Variants in PADI2 observed in about 807,000 individuals in gnomAD.
PADI2 encodes peptidyl arginine deiminase 2.
In PADI2, 70 loss-of-function variants were observed where a neutral mutation model predicts 81.1. The observed-to-expected ratio is 0.86, with a 90% confidence interval of 0.71 to 1.05. The LOEUF (loss-of-function observed/expected upper bound fraction) is 1.05, where lower values mean the gene tolerates loss of function less well. PADI2 is among the 50% of genes least tolerant of loss of function. The pLI is 0.00. For missense variants in PADI2, 853 were observed against 889.9 expected (o/e 0.96, Z 0.53); for synonymous variants, 338 against 358.0 (o/e 0.94, Z 0.63).
chr1:17,105,509 C>T (rs951519971), intron 1 of PADI2, among the ~76,000 whole-genome samples: 2 of 152,096 alleles, frequency 1.3e-5, no homozygotes, highest in Admixed American at 6.5e-5. Context: ...GATTCTCCTG[C>T]CTCAGCCTTC....
intron 11 of PADI2, among the ~76,000 whole-genome samples, chr1:17,076,873 G>A (rs1024631836): frequency 2.0e-5 from 3 of 151,568 alleles, no homozygotes; most frequent in African/African-American, 7.3e-5. Flanking sequence ...CACCGCTCCC[G>A]GCCAGCCCTT....
At chr1:17,112,851 G>A (rs769592163) in intron 1 of PADI2, among the ~76,000 whole-genome samples, 2 of 152,204 alleles carry the variant, frequency 1.3e-5, no homozygotes, top group African/African-American at 2.4e-5. Context: ...AAAGTCCAAT[G>A]TCTGAACGAT....
intron 6 of PADI2, among the ~76,000 whole-genome samples, chr1:17,090,581 T>TTA (rs1553182497): frequency 2.1e-5 from 3 of 142,740 alleles, no homozygotes; most frequent in African/African-American, 7.8e-5. Context: ...CGTCCTTTGC[T>TTA]TGTGTGTGTG....
intron 3 of PADI2, among the ~76,000 whole-genome samples, chr1:17,102,205 T>C (rs1468770177): frequency 6.6e-6 from 1 of 152,256 alleles, no homozygotes; most frequent in East Asian, 1.9e-4. Flanking sequence ...AAATGTCCTC[T>C]TGGCTTTAAC....
intron 1 of PADI2, among the ~76,000 whole-genome samples, chr1:17,118,816 G>C (rs1210521990): frequency 6.6e-6 from 1 of 152,160 alleles, no homozygotes; most frequent in African/African-American, 2.4e-5. Context: ...AGCTCCCTTC[G>C]GGTCCTGCCC....
At chr1:17,106,956 C>G (rs1050274916) in intron 1 of PADI2, among the ~76,000 whole-genome samples, 13 of 152,098 alleles carry the variant, frequency 8.5e-5, no homozygotes, top group South Asian at 2.1e-4. Flanking sequence ...GGACTTCCAG[C>G]CTCCAGAATT....
chr1:17,075,536 A>ACAACATG (rs1212787101), intron 12 of PADI2, 143 bp downstream of exon 12: 2 of 725,288 alleles, frequency 2.8e-6, no homozygotes, highest in Non-Finnish European at 4.3e-6. Flanking sequence ...TGCCACAGCA[A>ACAACATG]CAACATGCAA....
intron 6 of PADI2, among the ~76,000 whole-genome samples, chr1:17,089,713 C>T (rs1303168378): frequency 6.6e-6 from 1 of 152,194 alleles, no homozygotes; most frequent in Admixed American, 6.5e-5. Context: ...CCTCCTTACC[C>T]CGTCCTCCAT....
At chr1:17,117,371 G>A (rs181100596) in intron 1 of PADI2, among the ~76,000 whole-genome samples, 7 of 152,304 alleles carry the variant, frequency 4.6e-5, no homozygotes, top group African/African-American at 1.7e-4. Flanking sequence ...AATTATGCCT[G>A]TTGTTTTAAC....
In PADI2 at chr1:17,119,209, C is replaced by T; in HGVS notation, c.92+71G>A. 8.9e-7 allele frequency: 1 copy of T among 1,129,410 alleles called. No homozygotes were observed. Among genetic ancestry groups the T allele is most frequent in the Admixed American group, 2.5e-5 (1 of 40,350 alleles). 70.0% of individuals were successfully genotyped at this position (1,129,410 alleles called of 1,614,324 possible). ...GGCTGGACAAAGGCTGTCCACGTCCCCGAGTCTGAGCGCGTCTCAGGATTT... is the reference window on the plus strand; with the variant it reads ...GGCTGGACAAAGGCTGTCCACGTCCTCGAGTCTGAGCGCGTCTCAGGATTT... On this transcript the variant is annotated intron_variant, in intron 1 of 15. Coordinates refer to ENST00000375486, the MANE Select transcript of PADI2 (RefSeq NM_007365.3). The surrounding 1 kb of genome is among the most constrained non-coding windows in gnomAD (Gnocchi z 4.8).
At chr1:17,089,714 C>T (rs1305625044) in intron 6 of PADI2, among the ~76,000 whole-genome samples, 2 of 152,332 alleles carry the variant, frequency 1.3e-5, no homozygotes, top group Non-Finnish European at 2.9e-5. Context: ...CTCCTTACCC[C>T]GTCCTCCATC....
In PADI2 at chr1:17,092,391, G is replaced by T; in HGVS notation, c.655+17C>A. The T allele has an allele frequency of 6.3e-7, 1 of 1,593,072 alleles. No individual in the cohort carries two copies. The highest frequency in any genetic ancestry group is 8.5e-7 in the Non-Finnish European group (1 of 1,169,692). ...TGGCTAGAAAGGTCTAGGCTGGACT[G>T]GGCTGGGATCACTCACTCTCCACGT... is the stretch of plus-strand genomic sequence containing the variant. On this transcript the variant is annotated intron_variant, in intron 6 of 15. Transcript: ENST00000375486.
intron 2 of PADI2, among the ~76,000 whole-genome samples, chr1:17,103,309 C>T (rs1931219873): frequency 6.6e-6 from 1 of 152,208 alleles, no homozygotes; most frequent in South Asian, 2.1e-4. Context: ...CCTTCCTGTG[C>T]CACTGTGTGC....
chr1:17,096,895 T>C (rs2281375), intron 3 of PADI2, among the ~76,000 whole-genome samples: 93,909 of 152,026 alleles, frequency 0.62, 29,350 homozygotes, highest in African/African-American at 0.68. Context: ...AATAACTCTT[T>C]GTGTGGGGGC....
At chr1:17,072,266 G>A (rs548922595) in intron 13 of PADI2, among the ~76,000 whole-genome samples, 1 of 152,290 alleles carries the variant, frequency 6.6e-6, no homozygotes, top group South Asian at 2.1e-4. Flanking sequence ...CTGGTCCATT[G>A]CACTTCCCAG....
At chr1:17,093,288 G>A (rs1288126299) in intron 5 of PADI2, among the ~76,000 whole-genome samples, 2 of 152,070 alleles carry the variant, frequency 1.3e-5, no homozygotes, top group African/African-American at 4.8e-5. Context: ...TAGAGATGGG[G>A]TTTCACCATA....
intron 11 of PADI2, among the ~76,000 whole-genome samples, chr1:17,077,811 T>C (rs2078315167): frequency 6.6e-6 from 1 of 152,212 alleles, no homozygotes; most frequent in Non-Finnish European, 1.5e-5. Context: ...TGCAGGCTCC[T>C]GGCAGCCCTT....
intron 1 of PADI2, among the ~76,000 whole-genome samples, chr1:17,116,557 C>T (rs927586711): frequency 2.0e-5 from 3 of 152,044 alleles, no homozygotes; most frequent in Admixed American, 6.6e-5. Flanking sequence ...ACAGTGGGCT[C>T]GTGGCCAGGG....
In PADI2 at chr1:17,104,864, T is replaced by G; in HGVS notation, c.276+14A>C. On this transcript the variant is annotated intron_variant, in intron 2 of 15. Transcript: ENST00000375486. Reference sequence around the variant, plus strand: ...GTCCCGGGCCCGCAGAGGCTGGACTTCCCGCCGTGGTACCTTGTCACTGCT... The same window carrying G: ...GTCCCGGGCCCGCAGAGGCTGGACTGCCCGCCGTGGTACCTTGTCACTGCT... The G allele has an allele frequency of 6.4e-7, 1 of 1,553,574 alleles. No homozygotes were observed. The highest frequency in any genetic ancestry group is 8.7e-7 in the Non-Finnish European group (1 of 1,147,048).
Sources: allele counts gnomAD v4.1 joint callset (sites outside exome capture counted in the v4.1 genomes callset), GRCh38; gene constraint gnomAD v4.1.1; non-coding constraint Gnocchi (gnomAD v3.1); transcripts MANE v1.5; gene names NCBI Gene and HGNC (gene_info 2026-07-23, HGNC 2026-07-21).